Variants in CCDC174 observed in about 807,000 individuals in gnomAD.
CCDC174 encodes coiled-coil domain-containing protein 174.
In CCDC174, 37 loss-of-function variants were observed where a neutral mutation model predicts 57.1. The observed-to-expected ratio is 0.65, with a 90% CI of 0.50 to 0.85. The LOEUF (loss-of-function observed/expected upper bound fraction) is 0.85, where lower values mean the gene tolerates loss of function less well. Ranked by LOEUF, CCDC174 falls within the 40% of genes least tolerant of loss-of-function variation. The pLI, the probability that CCDC174 is intolerant of heterozygous loss-of-function variation, is 0.00. For missense variants in CCDC174, 540 were observed against 574.3 expected, an observed-to-expected ratio of 0.94 and a Z score of 0.61; for synonymous variants, 182 against 190.2, an observed-to-expected ratio of 0.96 and a Z score of 0.35.
rs2030883672 is a variant in CCDC174, at chr3:14,654,495, T to G, written c.112T>G (p.Ser38Ala). ...EFKQEKLLKD[S>A]GVFGKPKTTN... ...CAAACAAGAAAAACTTCTAAAAGAT[T>G]CTGGAGTTTTTGGAAAACCAAAAAC... is the stretch of plus-strand genomic sequence containing the variant. Residue 38 changes from serine (S) to alanine (A), a missense_variant, in exon 2 of 11, where the codon TCT (serine) becomes GCT (alanine). Physicochemically the swap from Ser to Ala is moderately conservative, Grantham distance 99. Coordinates refer to ENST00000383794, the MANE Select transcript of CCDC174 (RefSeq NM_016474.5). The G allele has an allele frequency of 8.7e-6, 14 of 1,605,314 alleles. No homozygotes were observed. Among genetic ancestry groups the G allele is most frequent in the Non-Finnish European group, 1.2e-5 (14 of 1,174,942 alleles).
At chr3:14,661,481 A>G (rs941668040) in intron 4 of CCDC174, 49 bp from the exon 5 acceptor site, 20 of 1,519,538 alleles carry the variant, frequency 1.3e-5, no homozygotes, top group Middle Eastern at 1.7e-4. Flanking sequence ...TGTCCATTCC[A>G]TGTGTGATTT....
chr3:14,669,935 T>C lies in CCDC174; in HGVS notation c.954T>C (p.Asp318=), dbSNP rs1246103652. The C allele has an allele frequency of 1.9e-6, 3 of 1,613,078 alleles. No homozygotes were observed. The highest frequency in any genetic ancestry group is 2.5e-6 in the Non-Finnish European group (3 of 1,179,382). ...GTCTTATTCTTTTACAAAAAATAGATGGAGATGTTATTGGGCCTTTGCCAC... is the reference window on the plus strand; with the variant it reads ...GTCTTATTCTTTTACAAAAAATAGACGGAGATGTTATTGGGCCTTTGCCAC... The part of the protein sequence containing the change: ...KEGGTEEENR[D]GDVIGPLPPE... Residue 318 remains aspartate, a splice_region_variant and synonymous_variant, in exon 10 of 11, where the codon GAT becomes GAC. Transcript: ENST00000383794.
At chr3:14,657,861 C>T (rs557703173) in intron 3 of CCDC174, among the ~76,000 whole-genome samples, 2 of 152,200 alleles carry the variant, frequency 1.3e-5, no homozygotes, top group Admixed American at 1.3e-4. Context: ...CCTGACTGCC[C>T]TCTCTCAGTT....
intron 6 of CCDC174, 115 bp downstream of exon 6, chr3:14,665,238 TATTG>T (rs3836383): frequency 1.9e-5 from 12 of 643,606 alleles, no homozygotes; most frequent in African/African-American, 1.3e-4. Flanking sequence ...AGTAAGGAGA[TATTG>T]ATTGATTGAT....
intron 6 of CCDC174, among the ~76,000 whole-genome samples, chr3:14,665,585 G>A (rs1161598576): frequency 2.0e-5 from 3 of 152,122 alleles, no homozygotes; most frequent in Non-Finnish European, 4.4e-5. Flanking sequence ...ACTCTAAAAC[G>A]TAAGACCTAA....
chr3:14,656,545 G>A (rs944202080), intron 3 of CCDC174, among the ~76,000 whole-genome samples: 4 of 152,174 alleles, frequency 2.6e-5, no homozygotes, highest in Admixed American at 1.3e-4. Context: ...AGTTTGAGTC[G>A]TTATTGGTGT....
intron 1 of CCDC174, among the ~76,000 whole-genome samples, chr3:14,652,794 C>A (rs977303234): frequency 6.6e-6 from 1 of 151,618 alleles, no homozygotes; most frequent in Non-Finnish European, 1.5e-5. Context: ...CCCAGCTACT[C>A]GGGAAGCTGA....
chr3:14,658,777 T>G (rs1407805587), intron 3 of CCDC174, 94 bp from the exon 4 acceptor site: 30 of 1,347,136 alleles, frequency 2.2e-5, no homozygotes, highest in Non-Finnish European at 9.1e-6. Context: ...CTGGGCCTCA[T>G]GGGCAGATGG....
chr3:14,666,126 A>C (rs1478264497), intron 6 of CCDC174, among the ~76,000 whole-genome samples: 5 of 151,716 alleles, frequency 3.3e-5, no homozygotes, highest in African/African-American at 1.2e-4. Context: ...GACAGGAGAC[A>C]CCACTCAGGC....
intron 1 of CCDC174, 60 bp from the exon 2 acceptor site, chr3:14,654,366 T>C (rs970616321): frequency 2.4e-6 from 2 of 838,142 alleles, no homozygotes; most frequent in African/African-American, 1.7e-5. Flanking sequence ...TATAATAATT[T>C]AGCAATCCAG....
chr3:14,654,440 G>T lies in CCDC174; in HGVS notation c.57G>T (p.Lys19Asn). 6.3e-7 allele frequency: 1 copy of T among 1,599,856 alleles called. No homozygotes were observed. The highest frequency in any genetic ancestry group is 8.5e-7 in the Non-Finnish European group (1 of 1,171,230). ...TTTCATTCTAGTTGGTAGATCTTAA[G>T]GCTGAACTCTTCCGAAAGCAAGAAG... ...DVTASSLVDL[K>N]AELFRKQEEF... The change falls in exon 2 of 11, where the codon AAG becomes AAT. Residue 19 changes from lysine to asparagine, a missense_variant. By Grantham distance (94) the Lys-to-Asn change is moderately conservative (BLOSUM62 0). Coordinates refer to ENST00000383794, the MANE Select transcript of CCDC174 (RefSeq NM_016474.5).
chr3:14,665,211 A>G lies in CCDC174; in HGVS notation c.581+88A>G, dbSNP rs1264924785. 3.3e-6 allele frequency: 3 copies of G among 899,212 alleles called. No homozygotes were observed. The Admixed American group carries it at 5.4e-5, about 16-fold the overall frequency. 55.7% of individuals were successfully genotyped at this position (899,212 alleles called of 1,614,324 possible). A position where few individuals can be genotyped will look rare whatever the true frequency, so the allele number is the denominator to read the frequency against. On this transcript the variant is annotated intron_variant, in intron 6 of 10. Transcript: ENST00000383794. The stretch of plus-strand genomic sequence containing the variant: ...GTGAGGGGAGGCTGTTTTATAATTA[A>G]TGATCTCTGTTGCTCCAGTAAGGAG...
intron 1 of CCDC174, among the ~76,000 whole-genome samples, chr3:14,654,018 G>T (rs936840958): frequency 3.3e-5 from 5 of 152,334 alleles, no homozygotes. Flanking sequence ...CTGCTCTTCA[G>T]CGTTATTTCT....
chr3:14,664,912 G>A (rs2031263740), intron 5 of CCDC174, 116 bp from the exon 6 acceptor site: 2 of 734,370 alleles, frequency 2.7e-6, no homozygotes, highest in African/African-American at 3.5e-5. Context: ...TCTGAGGTTG[G>A]GGGCTCTTCT....
rs1245212867 is a variant in CCDC174 at position 14,671,684 on chromosome 3, C to T, written c.*490C>T. 1 of 153,496 alleles carries T rather than the reference C, an allele frequency of 6.5e-6. No homozygotes were observed. The highest frequency in any genetic ancestry group is 6.5e-5 in the Admixed American group (1 of 15,414). The allele number at this position is 153,496 out of a possible 1,614,324, so 9.5% of individuals were successfully genotyped here. A position where few individuals can be genotyped will look rare whatever the true frequency, so the allele number is the denominator to read the frequency against. The stretch of plus-strand genomic sequence containing the variant: ...AAAATGCTCTGTTCTCCAAGAGGAC[C>T]CGGAAGTAATCACATAGGAAATGAT... On this transcript the variant is annotated 3_prime_UTR_variant, in exon 11 of 11. Coordinates refer to ENST00000383794, the MANE Select transcript of CCDC174 (RefSeq NM_016474.5).
At position 14,651,974 on chromosome 3, in the gene CCDC174, C is replaced by G. The variant is rs930956799; in HGVS notation, c.42+96C>G. On this transcript the variant is annotated intron_variant, in intron 1 of 10. Coordinates refer to ENST00000383794, the MANE Select transcript of CCDC174 (RefSeq NM_016474.5). The stretch of plus-strand genomic sequence containing the variant: ...CTAGCTTGTTTCTTCACTCGGGGAC[C>G]CAGAGACCTGACCTCTCCCCTCAAA... The G allele has an allele frequency of 2.5e-5, 31 of 1,232,288 alleles. No individual in the cohort carries two copies. The African/African-American group carries it at 3.3e-4, about 13-fold the overall frequency. 76.3% of individuals were successfully genotyped at this position (1,232,288 alleles called of 1,614,324 possible).
At chr3:14,663,629 G>C (rs752358776) in intron 5 of CCDC174, among the ~76,000 whole-genome samples, 6 of 152,170 alleles carry the variant, frequency 3.9e-5, no homozygotes, top group African/African-American at 1.4e-4. Flanking sequence ...AGATGGAGCC[G>C]TGGCTGACTA....
At chr3:14,655,425 C>G (rs1437546349) in intron 2 of CCDC174, 104 bp from the exon 3 acceptor site, 2 of 662,660 alleles carry the variant, frequency 3.0e-6, no homozygotes, top group African/African-American at 1.9e-5. Flanking sequence ...TCCATTGATT[C>G]ATAAGAACTC....
chr3:14,655,460 C>A, intron 2 of CCDC174, 69 bp from the exon 3 acceptor site: 5 of 827,018 alleles, frequency 6.0e-6, no homozygotes, highest in Admixed American at 2.5e-5. Flanking sequence ...TTTTTTTTTT[C>A]CTGATGCACA....
Sources: gnomAD v4.1 joint callset for allele counts (sites outside exome capture counted in the v4.1 genomes callset) on GRCh38, gnomAD v4.1.1 for gene constraint, MANE v1.5 for transcripts, NCBI Gene and HGNC (gene_info 2026-07-23, HGNC 2026-07-21) for gene names.